The following GRM5 variants were observed in gnomAD, a reference collection of about 807,000 sequenced individuals.
The protein encoded by GRM5 is glutamate metabotropic receptor 5.
Under a neutral mutation model 83.1 loss-of-function variants are expected in GRM5, and 19 were observed. The ratio of observed to expected loss-of-function variants is 0.23; its 90% CI spans 0.16 to 0.34. GRM5 has a LOEUF of 0.34. GRM5 is among the 10% of genes least tolerant of loss of function. GRM5 has a pLI of 1.00. For synonymous variants in GRM5, 675 were observed against 633.6 expected (o/e 1.07, Z -0.98); for missense variants, 1,160 against 1,588.3 (o/e 0.73, Z 4.58).
chr11:88,914,646 A>G (rs1565289867), intron 2 of GRM5, among the ~76,000 whole-genome samples: 2 of 152,196 alleles, frequency 1.3e-5, no homozygotes, highest in African/African-American at 2.4e-5. Context: ...TCTCTGTTCC[A>G]TTGAATCCCA....
chr11:88,954,803 C>G (rs1420647217), intron 2 of GRM5, among the ~76,000 whole-genome samples: 1 of 152,136 alleles, frequency 6.6e-6, no homozygotes, highest in African/African-American at 2.4e-5. Flanking sequence ...AAGTAGGCTG[C>G]TTGCTGTTAA....
intron 2 of GRM5, among the ~76,000 whole-genome samples, chr11:88,871,527 T>C (rs1264904114): frequency 2.0e-5 from 3 of 151,506 alleles, no homozygotes; most frequent in African/African-American, 7.3e-5. Context: ...AGCAGCACTG[T>C]CTTAGTGAAG....
intron 2 of GRM5, among the ~76,000 whole-genome samples, chr11:88,991,345 G>C (rs1939961674): frequency 6.6e-6 from 1 of 151,912 alleles, no homozygotes; most frequent in Non-Finnish European, 1.5e-5. Flanking sequence ...ACAAACCACT[G>C]CTCAAGGAAA....
At chr11:88,543,297 A>G (rs1227351025) in intron 8 of GRM5, among the ~76,000 whole-genome samples, 1 of 152,154 alleles carries the variant, frequency 6.6e-6, no homozygotes, top group Admixed American at 6.5e-5. Flanking sequence ...GGCCTTGTAG[A>G]GCTGACCGTT....
chr11:88,801,332 G>C (rs978401315), intron 3 of GRM5, among the ~76,000 whole-genome samples: 1 of 152,086 alleles, frequency 6.6e-6, no homozygotes, highest in African/African-American at 2.4e-5. Flanking sequence ...TGTTAAGTTG[G>C]TGCAAAAGTA....
chr11:88,663,465 T>A (rs1939957422), intron 3 of GRM5, among the ~76,000 whole-genome samples: 3 of 152,194 alleles, frequency 2.0e-5, no homozygotes, highest in Admixed American at 2.0e-4. Context: ...AATGCAAAAA[T>A]TGAGGCTATT....
At chr11:89,043,619 G>A (rs964920613) in intron 2 of GRM5, among the ~76,000 whole-genome samples, 4 of 149,028 alleles carry the variant, frequency 2.7e-5, no homozygotes, top group Non-Finnish European at 3.0e-5. Context: ...TATCTGATTT[G>A]GGAGAAGGGA....
intron 3 of GRM5, among the ~76,000 whole-genome samples, chr11:88,692,111 G>T (rs892985086): frequency 2.6e-5 from 4 of 152,110 alleles, no homozygotes; most frequent in African/African-American, 9.7e-5. Context: ...TCAATGTTCA[G>T]CTCAAACCTC....
At chr11:88,801,712 T>C (rs1318906219) in intron 3 of GRM5, among the ~76,000 whole-genome samples, 1 of 152,136 alleles carries the variant, frequency 6.6e-6, no homozygotes, top group African/African-American at 2.4e-5. Flanking sequence ...TAGAATAACT[T>C]GACTTCTTTC....
At chr11:88,529,143 A>G (rs1941949676) in intron 8 of GRM5, among the ~76,000 whole-genome samples, 1 of 151,978 alleles carries the variant, frequency 6.6e-6, no homozygotes, top group Non-Finnish European at 1.5e-5. Context: ...CTATGCCTGT[A>G]CCAGGCAGGT....
At chr11:88,719,932 T>G (rs1481774784) in intron 3 of GRM5, among the ~76,000 whole-genome samples, 1 of 152,102 alleles carries the variant, frequency 6.6e-6, no homozygotes, top group Non-Finnish European at 1.5e-5. Context: ...CCTTGTACAT[T>G]TGTTTAGGTT....
intron 3 of GRM5, among the ~76,000 whole-genome samples, chr11:88,760,461 G>C (rs896258285): frequency 1.3e-5 from 2 of 152,012 alleles, no homozygotes; most frequent in Non-Finnish European, 2.9e-5. Flanking sequence ...AAATCTAGAG[G>C]AAATGGGTAA....
At chr11:88,595,331 C>T (rs1490479572) in intron 6 of GRM5, among the ~76,000 whole-genome samples, 1 of 152,102 alleles carries the variant, frequency 6.6e-6, no homozygotes, top group Non-Finnish European at 1.5e-5. Context: ...TGCTAAAGAA[C>T]ACTAGAATTT....
At chr11:88,744,717 C>A (rs1337296990) in intron 3 of GRM5, among the ~76,000 whole-genome samples, 2 of 152,144 alleles carry the variant, frequency 1.3e-5, no homozygotes, top group African/African-American at 2.4e-5. Context: ...TTTGGTGAAC[C>A]AGCACTGCTC....
chr11:88,975,373 T>G, intron 2 of GRM5, among the ~76,000 whole-genome samples: 1 of 152,196 alleles, frequency 6.6e-6, no homozygotes. Flanking sequence ...CAAACTGTAG[T>G]GTGAACAAAA....
chr11:88,776,116 G>C (rs907728959), intron 3 of GRM5, among the ~76,000 whole-genome samples: 10 of 152,116 alleles, frequency 6.6e-5, no homozygotes, highest in African/African-American at 2.4e-4. Context: ...TTATGAATCT[G>C]GGTGCTCCTG....
At chr11:88,515,251 C>T (rs561710358) in intron 9 of GRM5, among the ~76,000 whole-genome samples, 55 of 152,216 alleles carry the variant, frequency 3.6e-4, no homozygotes, top group Non-Finnish European at 6.8e-4. Context: ...ACAGATATTT[C>T]CTTCTCAAAT....
intron 3 of GRM5, among the ~76,000 whole-genome samples, chr11:88,721,405 C>T (rs555605429): frequency 1.3e-5 from 2 of 152,174 alleles, no homozygotes; most frequent in East Asian, 3.9e-4. Flanking sequence ...ATTCTATTAA[C>T]TGAAGAATAT....
chr11:88,984,243 C>A (rs1939617193), intron 2 of GRM5, among the ~76,000 whole-genome samples: 1 of 152,150 alleles, frequency 6.6e-6, no homozygotes, highest in Non-Finnish European at 1.5e-5. Context: ...AAGCTTCATT[C>A]ATGGTAAATG....
Sources: gnomAD v4.1 joint callset for allele counts (sites outside exome capture counted in the v4.1 genomes callset) on GRCh38, gnomAD v4.1.1 for gene constraint, MANE v1.5 for transcripts, NCBI Gene and HGNC (gene_info 2026-07-23, HGNC 2026-07-21) for gene names.